The following ADIPOR2 variants were observed in gnomAD, a reference collection of about 807,000 sequenced individuals.
The protein encoded by ADIPOR2 is adiponectin receptor 2, also known as adiponectin receptor protein 2.
A neutral mutation model predicts 40.9 loss-of-function variants in ADIPOR2; 18 were observed. The ratio of observed to expected loss-of-function variants is 0.44; its 90% CI spans 0.30 to 0.65. The LOEUF is 0.65. Among genes scored for constraint, ADIPOR2 ranks in the 30% least tolerant of loss-of-function variants. The probability of loss-of-function intolerance (pLI) is 0.09; values close to 1 mark genes in which losing one functional copy is unlikely to be tolerated. For synonymous variants in ADIPOR2, 165 were observed against 166.4 expected, an observed-to-expected ratio of 0.99 and a Z score of 0.06; for missense variants, 283 against 479.2, an observed-to-expected ratio of 0.59 and a Z score of 3.82.
chr12:1,736,737 C>T (rs1481161992), intron 1 of ADIPOR2, among the ~76,000 whole-genome samples: 1 of 152,200 alleles, frequency 6.6e-6, no homozygotes, highest in African/African-American at 2.4e-5. Flanking sequence ...CCTGCTTTCT[C>T]TTGTGGGCAT....
intron 1 of ADIPOR2, among the ~76,000 whole-genome samples, chr12:1,728,088 C>G (rs2094711600): frequency 6.6e-6 from 1 of 151,796 alleles, no homozygotes; most frequent in Non-Finnish European, 1.5e-5. Context: ...TTGTTCCTTC[C>G]TATCAGCTGT....
At chr12:1,778,264 C>G (rs140906539) in intron 4 of ADIPOR2, 22 of 385,272 alleles carry the variant, frequency 5.7e-5, no homozygotes, top group African/African-American at 4.0e-4. Context: ...TGTCCTCAAA[C>G]CAGGCCAAGT....
chr12:1,763,268 G>A (rs1380389766), intron 2 of ADIPOR2, among the ~76,000 whole-genome samples: 1 of 152,222 alleles, frequency 6.6e-6, no homozygotes, highest in African/African-American at 2.4e-5. Context: ...ATGATGGAGA[G>A]CCAGTGATCA....
chr12:1,729,504 G>C (rs745588910), intron 1 of ADIPOR2, among the ~76,000 whole-genome samples: 2 of 150,794 alleles, frequency 1.3e-5, no homozygotes, highest in Non-Finnish European at 1.5e-5. Context: ...TTAGAAACAG[G>C]GTCTTACTCT....
intron 1 of ADIPOR2, among the ~76,000 whole-genome samples, chr12:1,748,363 C>T (rs2094760952): frequency 1.3e-5 from 2 of 152,112 alleles, no homozygotes; most frequent in Admixed American, 1.3e-4. Context: ...ATTCTCCTGC[C>T]TCAGCCTCCC....
At chr12:1,763,586 CTTTT>C (rs5795981) in intron 2 of ADIPOR2, among the ~76,000 whole-genome samples, 20,328 of 152,108 alleles carry the variant, frequency 0.13, 1,514 homozygotes, top group African/African-American at 0.2. Flanking sequence ...TTCTTTATTT[CTTTT>C]TGTTTTTATT....
At chr12:1,713,274 C>T (rs1465739117) in intron 1 of ADIPOR2, among the ~76,000 whole-genome samples, 1 of 151,824 alleles carries the variant, frequency 6.6e-6, no homozygotes, top group Admixed American at 6.6e-5. Flanking sequence ...GGGTATAGGG[C>T]TTGGGTACAA....
intron 1 of ADIPOR2, among the ~76,000 whole-genome samples, chr12:1,741,702 G>A (rs1179568382): frequency 6.6e-6 from 1 of 152,178 alleles, no homozygotes; most frequent in Non-Finnish European, 1.5e-5. Context: ...CATAGAGAAT[G>A]CCTTTGGGAC....
rs1036956354 is a variant in ADIPOR2, at chr12:1,778,823, A to G, written c.463+798A>G. ...ATCTAATAAATAACTCCTACAACTC[A>G]ACAATAAAGACAACCGATTTTAAAA... On this transcript the variant is annotated intron_variant, in intron 4 of 7. Transcript: ENST00000357103. Among the ~76,000 whole-genome samples, 6 of 152,376 alleles carry G rather than the reference A, an allele frequency of 3.9e-5. No homozygotes were observed. In the East Asian group the frequency reaches 1.2e-3, roughly 29 times the overall value.
At chr12:1,744,246 A>G (rs1167751863) in intron 1 of ADIPOR2, among the ~76,000 whole-genome samples, 1 of 151,982 alleles carries the variant, frequency 6.6e-6, no homozygotes, top group African/African-American at 2.4e-5. Context: ...CTGGGACTAC[A>G]GGCAGCCGCC....
chr12:1,713,088 A>G (rs531289384), intron 1 of ADIPOR2, among the ~76,000 whole-genome samples: 1 of 152,222 alleles, frequency 6.6e-6, no homozygotes, highest in South Asian at 2.1e-4. Flanking sequence ...CAAACAGGTG[A>G]GGGCTATCCC....
intron 1 of ADIPOR2, among the ~76,000 whole-genome samples, chr12:1,732,712 A>G (rs1386942801): frequency 6.6e-6 from 1 of 152,190 alleles, no homozygotes. Flanking sequence ...ATACACTTTT[A>G]TATAGTTGTA....
chr12:1,738,643 C>CTGGTCCCCCT (rs1194502577), intron 1 of ADIPOR2, among the ~76,000 whole-genome samples: 3 of 152,154 alleles, frequency 2.0e-5, no homozygotes, highest in Non-Finnish European at 2.9e-5. Context: ...GTGGTTTATG[C>CTGGTCCCCCT]TGGTCCCCCT....
chr12:1,698,528 T>C (rs901963201), intron 1 of ADIPOR2, among the ~76,000 whole-genome samples: 3 of 152,158 alleles, frequency 2.0e-5, no homozygotes, highest in Non-Finnish European at 4.4e-5. Flanking sequence ...AGGCCCTGTG[T>C]GTGTGTTTTT....
chr12:1,784,334 T>C (rs1862787085), intron 7 of ADIPOR2, among the ~76,000 whole-genome samples: 1 of 152,246 alleles, frequency 6.6e-6, no homozygotes, highest in African/African-American at 2.4e-5. Flanking sequence ...GTATGATAAC[T>C]CTTGTTAATG....
intron 1 of ADIPOR2, among the ~76,000 whole-genome samples, chr12:1,708,975 C>T (rs1167742067): frequency 6.6e-6 from 1 of 152,170 alleles, no homozygotes; most frequent in East Asian, 1.9e-4. Flanking sequence ...CTGCCTATAC[C>T]TCCCAAAGTG....
intron 1 of ADIPOR2, among the ~76,000 whole-genome samples, chr12:1,691,531 T>G (rs1411326108): frequency 3.9e-5 from 6 of 152,232 alleles, no homozygotes; most frequent in South Asian, 2.1e-4. Context: ...GTGCAGTTGC[T>G]CCAGCTCCCT....
chr12:1,778,226 T>C (rs1272457316), intron 4 of ADIPOR2: 10 of 519,808 alleles, frequency 1.9e-5, no homozygotes, highest in Non-Finnish European at 3.1e-6. Flanking sequence ...ACTTAAGTTA[T>C]ATTTCTTTCT....
At chr12:1,728,626 A>C (rs1162941206) in intron 1 of ADIPOR2, among the ~76,000 whole-genome samples, 1 of 151,928 alleles carries the variant, frequency 6.6e-6, no homozygotes, top group Non-Finnish European at 1.5e-5. Flanking sequence ...CCGGAGGCTG[A>C]AGCAGGAGAA....
Sources: gnomAD v4.1 joint callset for allele counts (sites outside exome capture counted in the v4.1 genomes callset) on GRCh38, gnomAD v4.1.1 for gene constraint, MANE v1.5 for transcripts, NCBI Gene and HGNC (gene_info 2026-07-23, HGNC 2026-07-21) for gene names.